CSRNP3: variants seen among roughly 807,000 people sequenced by gnomAD.
CSRNP3 encodes the protein cysteine/serine-rich nuclear protein 3.
A neutral mutation model predicts 48.0 loss-of-function variants in CSRNP3; 12 were observed. The observed-to-expected ratio is 0.25, with a 90% CI of 0.16 to 0.41. The LOEUF (loss-of-function observed/expected upper bound fraction) is 0.41, where lower values mean the gene tolerates loss of function less well. Ranked by LOEUF, CSRNP3 falls within the 10% of genes least tolerant of loss-of-function variation. The pLI is 1.00. For missense variants in CSRNP3, 580 were observed against 724.4 expected (o/e 0.80, Z 2.29); for synonymous variants, 263 against 269.7 (o/e 0.98, Z 0.24).
At position 165,680,157 on chromosome 2, in the gene CSRNP3, A is replaced by G. The variant is rs1246591489; in HGVS notation, c.*404A>G. On this transcript the variant is annotated 3_prime_UTR_variant, in exon 7 of 7. Coordinates refer to ENST00000651982, the MANE Select transcript of CSRNP3 (RefSeq NM_001172173.2). ...ATTTTCAATATATCTGAAGATAATG[A>G]TGACTTTTTAATGTAAAAGTAATTA... 2 of 161,282 alleles carry G rather than the reference A, an allele frequency of 1.2e-5. No homozygotes were observed. Among genetic ancestry groups the G allele is most frequent in the Non-Finnish European group, 2.7e-5 (2 of 74,224 alleles). The allele number at this position is 161,282 out of a possible 1,614,324, so 10.0% of individuals were successfully genotyped here.
chr2:165,686,754 A>G lies in CSRNP3; in HGVS notation c.*7001A>G, dbSNP rs776908662. ...ATAAAGCCCACTGCCATGGGTTACC[A>G]TCTGAACCCTGATTCATTAGGCACT... On this transcript the variant is annotated 3_prime_UTR_variant, in exon 7 of 7. Coordinates refer to ENST00000651982, the MANE Select transcript of CSRNP3 (RefSeq NM_001172173.2). 2.0e-5 allele frequency: 3 copies of G among 152,104 alleles called. No individual in the cohort carries two copies. The highest frequency in any genetic ancestry group is 2.9e-5 in the Non-Finnish European group (2 of 67,996). 9.4% of individuals were successfully genotyped at this position (152,104 alleles called of 1,614,324 possible).
intron 3 of CSRNP3, among the ~76,000 whole-genome samples, chr2:165,557,438 G>A (rs1685174265): frequency 6.6e-6 from 1 of 152,172 alleles, no homozygotes; most frequent in Middle Eastern, 3.2e-3. Context: ...GAAGAAAGAG[G>A]GAGAGGGAGT....
At chr2:165,558,700 TA>T (rs1261634428) in intron 3 of CSRNP3, among the ~76,000 whole-genome samples, 1 of 152,142 alleles carries the variant, frequency 6.6e-6, no homozygotes, top group African/African-American at 2.4e-5. Flanking sequence ...AATTACAAAT[TA>T]AAAAAATTAA....
chr2:165,477,093 C>T (rs1057182927), intron 1 of CSRNP3, among the ~76,000 whole-genome samples: 1 of 151,924 alleles, frequency 6.6e-6, no homozygotes, highest in Non-Finnish European at 1.5e-5. Flanking sequence ...ATTGTGAAAA[C>T]AAATCCTAGA....
At chr2:165,517,080 A>G (rs1048655684) in intron 2 of CSRNP3, among the ~76,000 whole-genome samples, 1 of 152,088 alleles carries the variant, frequency 6.6e-6, no homozygotes, top group Non-Finnish European at 1.5e-5. Context: ...TCATTTTTAA[A>G]GAAAATTTTT....
chr2:165,522,628 A>G (rs543180620), intron 3 of CSRNP3, among the ~76,000 whole-genome samples: 20 of 151,926 alleles, frequency 1.3e-4, no homozygotes, highest in Non-Finnish European at 2.5e-4. Flanking sequence ...AATGCCATTC[A>G]CTAATGTAAT....
chr2:165,686,215 C>T lies in CSRNP3; in HGVS notation c.*6462C>T, dbSNP rs1159522382. ...TTTAAATTTATCTAGGTACTTGTAT[C>T]ACCAGAGACCTTCATCAAGTCCTAC... On this transcript the variant is annotated 3_prime_UTR_variant, in exon 7 of 7. Coordinates refer to ENST00000651982, the MANE Select transcript of CSRNP3 (RefSeq NM_001172173.2). 1 of 151,978 alleles carries T rather than the reference C, an allele frequency of 6.6e-6. No individual in the cohort carries two copies. Among genetic ancestry groups the T allele is most frequent in the Non-Finnish European group, 1.5e-5 (1 of 67,958 alleles). 9.4% of individuals were successfully genotyped at this position (151,978 alleles called of 1,614,324 possible). A position where few individuals can be genotyped will look rare whatever the true frequency, so the allele number is the denominator to read the frequency against.
intron 5 of CSRNP3, among the ~76,000 whole-genome samples, chr2:165,659,896 C>G (rs1687068637): frequency 6.6e-6 from 1 of 152,108 alleles, no homozygotes. Context: ...GCCATGTTCC[C>G]AATTTCATGG....
chr2:165,550,126 A>G (rs971960026), intron 3 of CSRNP3, among the ~76,000 whole-genome samples: 1 of 152,160 alleles, frequency 6.6e-6, no homozygotes, highest in East Asian at 1.9e-4. Context: ...CATGCTGATC[A>G]TTGTTAATGA....
intron 3 of CSRNP3, among the ~76,000 whole-genome samples, chr2:165,578,143 G>C (rs1046948116): frequency 2.6e-5 from 4 of 151,978 alleles, no homozygotes; most frequent in African/African-American, 7.2e-5. Context: ...GGTTGCATTT[G>C]ACTAATCATT....
rs548476408 is a variant in CSRNP3 at position 165,556,259 on chromosome 2, G to C, written c.-24+38298G>C. On this transcript the variant is annotated intron_variant, in intron 3 of 6. Transcript: ENST00000651982. ...AACTGGGATAGTGTTATTGGACTAA[G>C]ATAGGAGATGCAAGAGGAGAGGGAT... Among the ~76,000 whole-genome samples the C allele has an allele frequency of 3.3e-5, 5 of 152,292 alleles. No homozygotes were observed. The South Asian group carries it at 1.0e-3, about 32-fold the overall frequency.
chr2:165,585,439 C>T (rs1685612618), intron 3 of CSRNP3, among the ~76,000 whole-genome samples: 1 of 152,104 alleles, frequency 6.6e-6, no homozygotes, highest in African/African-American at 2.4e-5. Context: ...CAATGTCTCT[C>T]ATGTCACCAT....
At position 165,477,594 on chromosome 2, in the gene CSRNP3, G is replaced by A. The variant is rs190356023; in HGVS notation, c.-283+7854G>A. Among the ~76,000 whole-genome samples the A allele has an allele frequency of 3.3e-5, 5 of 149,934 alleles. No individual in the cohort carries two copies. In the Admixed American group the frequency reaches 3.3e-4, roughly 10 times the overall value. On this transcript the variant is annotated intron_variant, in intron 1 of 6. Coordinates refer to ENST00000651982, the MANE Select transcript of CSRNP3 (RefSeq NM_001172173.2). Reference sequence around the variant, plus strand: ...TGAGGCAGGGGAATCGCTTGAACCCGGGAGGCGGAGGTTACAATCAGCCAA... The same window carrying A: ...TGAGGCAGGGGAATCGCTTGAACCCAGGAGGCGGAGGTTACAATCAGCCAA...
intron 3 of CSRNP3, among the ~76,000 whole-genome samples, chr2:165,529,224 A>G (rs1166788213): frequency 6.6e-6 from 1 of 152,170 alleles, no homozygotes. Context: ...AAATGTGAGG[A>G]CATGAGATTT....
At chr2:165,485,589 C>T (rs1249328161) in intron 1 of CSRNP3, among the ~76,000 whole-genome samples, 1 of 152,116 alleles carries the variant, frequency 6.6e-6, no homozygotes, top group Non-Finnish European at 1.5e-5. Context: ...CAACCCAGAG[C>T]CAGAGTCCTA....
At chr2:165,573,752 T>C (rs1368261702) in intron 3 of CSRNP3, among the ~76,000 whole-genome samples, 1 of 152,190 alleles carries the variant, frequency 6.6e-6, no homozygotes, top group Non-Finnish European at 1.5e-5. Context: ...TAGTGACTAA[T>C]ATAAATTTAC....
intron 3 of CSRNP3, chr2:165,574,158 T>A: frequency 2.0e-6 from 1 of 493,856 alleles, no homozygotes. Flanking sequence ...AGTTCCACAA[T>A]TCCTTACCCA....
chr2:165,551,621 G>A (rs762748744), intron 3 of CSRNP3, among the ~76,000 whole-genome samples: 1 of 152,138 alleles, frequency 6.6e-6, no homozygotes, highest in African/African-American at 2.4e-5. Context: ...ATAGAAAGCT[G>A]GGAGAACAAA....
intron 5 of CSRNP3, among the ~76,000 whole-genome samples, chr2:165,672,258 A>G (rs1687343630): frequency 1.3e-5 from 2 of 152,140 alleles, no homozygotes; most frequent in African/African-American, 4.8e-5. Flanking sequence ...TCCTGGTACC[A>G]GTTTACTGTA....
Sources: gnomAD v4.1 joint callset for allele counts (sites outside exome capture counted in the v4.1 genomes callset) on GRCh38, gnomAD v4.1.1 for gene constraint, MANE v1.5 for transcripts, NCBI Gene and HGNC (gene_info 2026-07-23, HGNC 2026-07-21) for gene names.